Variants in CSMD1 observed in about 807,000 individuals in gnomAD.
CSMD1 encodes CUB and sushi domain-containing protein 1.
Under a neutral mutation model 417.5 loss-of-function variants are expected in CSMD1, and 213 were observed. The observed-to-expected ratio is 0.51, with a 90% CI of 0.46 to 0.57. The LOEUF (loss-of-function observed/expected upper bound fraction) is 0.57. Ranked by LOEUF, CSMD1 falls within the 20% of genes least tolerant of loss-of-function variation. The probability of loss-of-function intolerance (pLI) is 0.00; values close to 1 mark genes in which losing one functional copy is unlikely to be tolerated. For synonymous variants in CSMD1, 2,862 were observed against 1,736.8 expected, an observed-to-expected ratio of 1.65 and a Z score of -16.11; for missense variants, 6,923 against 4,529.7, an observed-to-expected ratio of 1.53 and a Z score of -15.17.
At chr8:4,840,400 T>C (rs745813076) in intron 1 of CSMD1, among the ~76,000 whole-genome samples, 1 of 152,218 alleles carries the variant, frequency 6.6e-6, no homozygotes, top group Non-Finnish European at 1.5e-5. Flanking sequence ...GTTGAACATA[T>C]GTCGAAAACA....
intron 3 of CSMD1, among the ~76,000 whole-genome samples, chr8:4,114,438 C>A (rs542969457): frequency 1.3e-5 from 2 of 152,272 alleles, no homozygotes; most frequent in Non-Finnish European, 2.9e-5. Context: ...CAGGTGGTTA[C>A]GGAAGAGCTT....
intron 12 of CSMD1, among the ~76,000 whole-genome samples, chr8:3,426,358 C>G (rs991169430): frequency 7.2e-5 from 11 of 152,164 alleles, no homozygotes; most frequent in African/African-American, 2.4e-4. Flanking sequence ...GATCATGAGA[C>G]TCATAGATAC....
intron 26 of CSMD1, among the ~76,000 whole-genome samples, chr8:3,245,197 C>G (rs190169631): frequency 1.3e-5 from 2 of 152,154 alleles, no homozygotes; most frequent in African/African-American, 4.8e-5. Flanking sequence ...CTGAGTTGCT[C>G]AAATCAAAAC....
At chr8:4,067,308 A>C (rs1043108445) in intron 3 of CSMD1, among the ~76,000 whole-genome samples, 2 of 152,192 alleles carry the variant, frequency 1.3e-5, no homozygotes, top group Non-Finnish European at 2.9e-5. Context: ...GCCATACTAA[A>C]TTTTCGTTAA....
rs570794171 is a variant in CSMD1 at position 4,324,132 on chromosome 8, C to A, written c.415+95821G>T. Among the ~76,000 whole-genome samples, 5 of 152,296 alleles carry A rather than the reference C, an allele frequency of 3.3e-5. No individual in the cohort carries two copies. In the South Asian group the frequency reaches 1.0e-3, roughly 32 times the overall value. The stretch of plus-strand genomic sequence containing the variant: ...ACCTAAAAATCTCCTGCCTTAACTG[C>A]TGCTGTGCAATTATCAATGCTGACA... On this transcript the variant is annotated intron_variant, in intron 3 of 69. Coordinates refer to ENST00000635120, the MANE Select transcript of CSMD1 (RefSeq NM_033225.6).
At chr8:3,606,904 G>C (rs929281396) in intron 8 of CSMD1, among the ~76,000 whole-genome samples, 2 of 151,832 alleles carry the variant, frequency 1.3e-5, no homozygotes, top group African/African-American at 4.8e-5. Context: ...TAGAGACAGG[G>C]TTTCACCATG....
chr8:4,420,466 C>G (rs1185481708), intron 2 of CSMD1, among the ~76,000 whole-genome samples: 3 of 152,008 alleles, frequency 2.0e-5, no homozygotes, highest in African/African-American at 4.8e-5. Context: ...TGCTGCACCT[C>G]TCAACCCATC....
At chr8:4,777,598 G>A (rs1444145371) in intron 1 of CSMD1, among the ~76,000 whole-genome samples, 1 of 152,146 alleles carries the variant, frequency 6.6e-6, no homozygotes, top group Non-Finnish European at 1.5e-5. Context: ...CAGTAAGAAT[G>A]TACATACCCT....
chr8:4,257,952 A>G (rs1007331312), intron 3 of CSMD1, among the ~76,000 whole-genome samples: 9 of 152,116 alleles, frequency 5.9e-5, no homozygotes, highest in African/African-American at 2.2e-4. Context: ...AAATCATTAG[A>G]ATCTTTGTCT....
intron 5 of CSMD1, among the ~76,000 whole-genome samples, chr8:3,876,681 C>T (rs28626159): frequency 0.24 from 35,752 of 152,000 alleles, 5,579 homozygotes; most frequent in African/African-American, 0.45. Flanking sequence ...GCTATCAGTG[C>T]GCACTGTAGC....
intron 10 of CSMD1, among the ~76,000 whole-genome samples, chr8:3,532,347 G>A (rs1338287775): frequency 6.6e-6 from 1 of 152,088 alleles, no homozygotes; most frequent in East Asian, 1.9e-4. Flanking sequence ...CCTGGCTATT[G>A]GCACACATTT....
chr8:4,562,048 C>A (rs776183416), intron 2 of CSMD1, among the ~76,000 whole-genome samples: 5 of 152,126 alleles, frequency 3.3e-5, no homozygotes, highest in Admixed American at 1.3e-4. Context: ...ATATTCAATG[C>A]AGCCAGCAAA....
At chr8:4,830,312 T>C (rs757074718) in intron 1 of CSMD1, among the ~76,000 whole-genome samples, 18 of 152,256 alleles carry the variant, frequency 1.2e-4, no homozygotes, top group Non-Finnish European at 2.4e-4. Flanking sequence ...TTCTTTTTCC[T>C]ACATTTCTCA....
chr8:4,365,963 T>C (rs946246324), intron 3 of CSMD1, among the ~76,000 whole-genome samples: 1 of 152,218 alleles, frequency 6.6e-6, no homozygotes, highest in Non-Finnish European at 1.5e-5. Flanking sequence ...GGTATCCACG[T>C]ACAGGTTTGT....
At chr8:4,310,561 G>C (rs4875327) in intron 3 of CSMD1, among the ~76,000 whole-genome samples, 95,202 of 152,082 alleles carry the variant, frequency 0.63, 30,764 homozygotes, top group East Asian at 0.86. Flanking sequence ...ATACTTGTAT[G>C]ACATTTACAT....
rs754822812 is a variant in CSMD1, at chr8:4,234,743, G to C, written c.415+185210C>G. 1.3e-4 allele frequency among the ~76,000 whole-genome samples: 20 copies of C among 152,154 alleles called. 1 individual carries two copies. The highest frequency in any genetic ancestry group is 5.2e-4 in the Admixed American group (8 of 15,272). ...GTCGCTGCTGCCGCTGAAAACTGGAGTCGTGGCTGCTCCCAGAACAAAAGA... is the reference window on the plus strand; with the variant it reads ...GTCGCTGCTGCCGCTGAAAACTGGACTCGTGGCTGCTCCCAGAACAAAAGA... On this transcript the variant is annotated intron_variant, in intron 3 of 69. Transcript: ENST00000635120.
At chr8:4,246,761 C>G (rs1802740020) in intron 3 of CSMD1, among the ~76,000 whole-genome samples, 1 of 151,952 alleles carries the variant, frequency 6.6e-6, no homozygotes. Flanking sequence ...AAAACAGGAT[C>G]AAGAAGATTT....
At chr8:4,766,822 T>G (rs1042537252) in intron 1 of CSMD1, among the ~76,000 whole-genome samples, 5 of 152,324 alleles carry the variant, frequency 3.3e-5, no homozygotes, top group African/African-American at 1.2e-4. Context: ...GGACATTATG[T>G]TAACCATGAT....
chr8:4,304,729 C>T (rs1387301076), intron 3 of CSMD1, among the ~76,000 whole-genome samples: 1 of 152,158 alleles, frequency 6.6e-6, no homozygotes, highest in Admixed American at 6.6e-5. Context: ...CCAACTAAAT[C>T]ACTTGGTAAA....
Sources: gnomAD v4.1 joint callset for allele counts (sites outside exome capture counted in the v4.1 genomes callset) on GRCh38, gnomAD v4.1.1 for gene constraint, MANE v1.5 for transcripts, NCBI Gene and HGNC (gene_info 2026-07-23, HGNC 2026-07-21) for gene names.